Variants in NLGN1 observed in about 807,000 individuals in gnomAD.
The protein encoded by NLGN1 is neuroligin 1.
In NLGN1, 12 loss-of-function variants were observed where a neutral mutation model predicts 65.5. That is an observed-to-expected ratio of 0.18 (90% CI 0.12 to 0.30). The LOEUF is 0.30. Among genes scored for constraint, NLGN1 ranks in the 10% least tolerant of loss-of-function variants. The probability of loss-of-function intolerance (pLI) is 1.00; values close to 1 mark genes in which losing one functional copy is unlikely to be tolerated. For synonymous variants in NLGN1, 350 were observed against 359.5 expected, an observed-to-expected ratio of 0.97 and a Z score of 0.30; for missense variants, 750 against 1,007.1, an observed-to-expected ratio of 0.74 and a Z score of 3.46.
intron 4 of NLGN1, among the ~76,000 whole-genome samples, chr3:174,201,346 T>TGAAGGAAGGAAGGAAGGAAG (rs750062965): frequency 3.6e-5 from 1 of 27,638 alleles, no homozygotes; most frequent in Admixed American, 4.8e-4. Flanking sequence ...GTGGGAGGAA[T>TGAAGGAAGGAAGGAAGGAAG]GAAGGAAGGA....
intron 4 of NLGN1, among the ~76,000 whole-genome samples, chr3:174,072,849 A>G (rs768975396): frequency 1.1e-4 from 17 of 152,198 alleles, no homozygotes; most frequent in Non-Finnish European, 2.1e-4. Flanking sequence ...TGAGTGAATC[A>G]CTACCAGTAT....
At chr3:174,281,708 T>C (rs914535192) in exon 7 of NLGN1, 1 of 164,694 alleles carries the variant, frequency 6.1e-6, no homozygotes, top group African/African-American at 2.4e-5. Context: ...CACCAGTTTT[T>C]ATTTGGAGCC....
At chr3:174,145,284 G>A (rs1397181450) in intron 4 of NLGN1, among the ~76,000 whole-genome samples, 1 of 152,124 alleles carries the variant, frequency 6.6e-6, no homozygotes, top group Middle Eastern at 3.2e-3. Flanking sequence ...AGAGGCAGAG[G>A]TGGGTGGATC....
chr3:174,195,471 CA>C (rs1206775812), intron 4 of NLGN1, among the ~76,000 whole-genome samples: 1 of 152,060 alleles, frequency 6.6e-6, no homozygotes, highest in Non-Finnish European at 1.5e-5. Flanking sequence ...TCTGAAAAAA[CA>C]GACTAATAAA....
At chr3:173,566,899 A>G (rs543990643) in intron 2 of NLGN1, among the ~76,000 whole-genome samples, 1 of 152,248 alleles carries the variant, frequency 6.6e-6, no homozygotes, top group South Asian at 2.1e-4. Flanking sequence ...TCTATTTTGA[A>G]AACTTTAGAA....
chr3:173,474,378 C>G (rs1000178210), intron 2 of NLGN1, among the ~76,000 whole-genome samples: 1 of 152,074 alleles, frequency 6.6e-6, no homozygotes, highest in African/African-American at 2.4e-5. Flanking sequence ...TTCTGTGAAG[C>G]GTTGCATCTT....
At chr3:173,464,831 G>T (rs1418734771) in intron 2 of NLGN1, among the ~76,000 whole-genome samples, 2 of 152,028 alleles carry the variant, frequency 1.3e-5, no homozygotes, top group African/African-American at 4.8e-5. Context: ...AATGGCAGAG[G>T]TTAGTCTTCA....
intron 3 of NLGN1, among the ~76,000 whole-genome samples, chr3:173,635,304 C>G (rs1756405980): frequency 6.6e-6 from 1 of 152,028 alleles, no homozygotes; most frequent in Admixed American, 6.6e-5. Context: ...GAGTTATTAT[C>G]TTTGGAACAA....
intron 2 of NLGN1, among the ~76,000 whole-genome samples, chr3:173,569,031 GA>G (rs1304385127): frequency 2.0e-5 from 3 of 151,284 alleles, no homozygotes; most frequent in Non-Finnish European, 4.4e-5. Flanking sequence ...TTTCCCCAAG[GA>G]AAAAAAATGC....
intron 4 of NLGN1, among the ~76,000 whole-genome samples, chr3:174,264,997 G>A (rs1246975993): frequency 6.6e-6 from 1 of 152,300 alleles, no homozygotes; most frequent in Non-Finnish European, 1.5e-5. Flanking sequence ...GGCTGCTCGG[G>A]GGTCAGGGGT....
intron 2 of NLGN1, among the ~76,000 whole-genome samples, chr3:173,464,623 C>T (rs917953062): frequency 8.6e-5 from 13 of 151,696 alleles, no homozygotes; most frequent in Non-Finnish European, 1.9e-4. Flanking sequence ...TTAGTAGACA[C>T]GGGGTTTCTC....
At chr3:174,119,636 T>A (rs1717321447) in intron 4 of NLGN1, among the ~76,000 whole-genome samples, 1 of 152,348 alleles carries the variant, frequency 6.6e-6, no homozygotes, top group Middle Eastern at 3.4e-3. Context: ...CTCCCTGGAA[T>A]GACTACAGTA....
At chr3:173,553,355 G>A (rs1481647103) in intron 2 of NLGN1, among the ~76,000 whole-genome samples, 1 of 152,154 alleles carries the variant, frequency 6.6e-6, no homozygotes, top group African/African-American at 2.4e-5. Flanking sequence ...AATAGGAATG[G>A]CAATTACTCT....
In NLGN1 at chr3:174,237,140, T is replaced by G. The variant is rs1047337404; in HGVS notation, c.647-38175T>G. Among the ~76,000 whole-genome samples, 19 of 152,214 alleles carry G rather than the reference T, an allele frequency of 1.2e-4. No individual in the cohort carries two copies. In the East Asian group the frequency reaches 3.7e-3, roughly 29 times the overall value. On this transcript the variant is annotated intron_variant, in intron 4 of 6. Coordinates refer to ENST00000457714, the Ensembl canonical transcript of NLGN1. ...AAAGTAGAAAATTAAATAAAGTCTT[T>G]TTTGCTTTTCTAATTTAGTGTAAGG...
At chr3:173,672,048 C>G (rs1039995940) in intron 3 of NLGN1, among the ~76,000 whole-genome samples, 4 of 152,064 alleles carry the variant, frequency 2.6e-5, no homozygotes, top group Admixed American at 1.3e-4. Flanking sequence ...GTGGCAGATG[C>G]CTGTAGTCCC....
chr3:174,228,554 G>A (rs1258136319), intron 4 of NLGN1, among the ~76,000 whole-genome samples: 1 of 152,050 alleles, frequency 6.6e-6, no homozygotes, highest in African/African-American at 2.4e-5. Flanking sequence ...TTAGAAAATA[G>A]GTTAGATATA....
chr3:173,685,116 C>G (rs898410689), intron 3 of NLGN1, among the ~76,000 whole-genome samples: 1 of 152,102 alleles, frequency 6.6e-6, no homozygotes, highest in African/African-American at 2.4e-5. Context: ...AATGGAAACT[C>G]ATTTAATAAT....
intron 3 of NLGN1, among the ~76,000 whole-genome samples, chr3:173,649,451 C>T (rs1344061068): frequency 6.6e-6 from 1 of 152,038 alleles, no homozygotes; most frequent in Admixed American, 6.5e-5. Flanking sequence ...TATCAAATTA[C>T]ATATTTTAAA....
intron 3 of NLGN1, among the ~76,000 whole-genome samples, chr3:173,806,623 A>G (rs1201986964): frequency 6.6e-6 from 1 of 152,120 alleles, no homozygotes; most frequent in Non-Finnish European, 1.5e-5. Context: ...TAGTAGTTCA[A>G]ATATTTCAAT....
Sources: gnomAD v4.1 joint callset for allele counts (sites outside exome capture counted in the v4.1 genomes callset) on GRCh38, gnomAD v4.1.1 for gene constraint, MANE v1.5 for transcripts, NCBI Gene and HGNC (gene_info 2026-07-23, HGNC 2026-07-21) for gene names.